The following CADPS2 variants were observed in gnomAD, a reference collection of about 807,000 sequenced individuals.
The protein encoded by CADPS2 is calcium-dependent secretion activator 2.
A neutral mutation model predicts 172.5 loss-of-function variants in CADPS2; 93 were observed. The observed-to-expected ratio is 0.54, with a 90% CI of 0.46 to 0.64. CADPS2 has a LOEUF of 0.64. Among genes scored for constraint, CADPS2 ranks in the 30% least tolerant of loss-of-function variants. The pLI, the probability that CADPS2 is intolerant of heterozygous loss-of-function variation, is 0.00. For missense variants in CADPS2, 1,420 were observed against 1,565.9 expected (o/e 0.91, Z 1.57); for synonymous variants, 546 against 555.2 (o/e 0.98, Z 0.23).
chr7:122,750,520 C>T (rs1268459768), intron 1 of CADPS2, among the ~76,000 whole-genome samples: 4 of 152,038 alleles, frequency 2.6e-5, no homozygotes, highest in African/African-American at 9.7e-5. Context: ...TCTCTTAGGA[C>T]TTAATAATGT....
intron 8 of CADPS2, among the ~76,000 whole-genome samples, chr7:122,538,225 C>G (rs931977998): frequency 2.6e-5 from 4 of 150,990 alleles, no homozygotes; most frequent in Non-Finnish European, 5.9e-5. Flanking sequence ...GTTAATATAC[C>G]TTTGATTCCT....
intron 6 of CADPS2, among the ~76,000 whole-genome samples, chr7:122,604,113 T>A (rs1309420595): frequency 6.6e-6 from 1 of 152,160 alleles, no homozygotes; most frequent in Non-Finnish European, 1.5e-5. Context: ...AAAATTCTAC[T>A]TCCTTATCTT....
intron 7 of CADPS2, among the ~76,000 whole-genome samples, chr7:122,580,539 T>C (rs2068673938): frequency 6.6e-6 from 1 of 151,992 alleles, no homozygotes; most frequent in East Asian, 1.9e-4. Flanking sequence ...ACTTCATTTA[T>C]AAGTCTGAAG....
chr7:122,648,288 G>A (rs962419779), intron 3 of CADPS2, among the ~76,000 whole-genome samples: 1 of 152,002 alleles, frequency 6.6e-6, no homozygotes, highest in African/African-American at 2.4e-5. Flanking sequence ...CTCCCAAAGG[G>A]TTCTGAAGAT....
At position 122,498,303 on chromosome 7, in the gene CADPS2, G is replaced by T. The variant is rs73433710; in HGVS notation, c.1543-6883C>A. Among the ~76,000 whole-genome samples, 1,126 of 152,050 alleles carry T rather than the reference G, an allele frequency of 7.4e-3. 11 individuals carry two copies. Among genetic ancestry groups the T allele is most frequent in the Middle Eastern group, 0.027 (8 of 294 alleles). ...ATGTTCTCTTAATCTTTGTCATTTT[G>T]CACTTTCATCATGAAATTTCTAGGA... On this transcript the variant is annotated intron_variant, in intron 9 of 29. Transcript: ENST00000449022.
At chr7:122,740,258 CCACA>C (rs980830995) in intron 1 of CADPS2, among the ~76,000 whole-genome samples, 3 of 152,092 alleles carry the variant, frequency 2.0e-5, no homozygotes, top group Non-Finnish European at 2.9e-5. Context: ...AAATTTATGT[CCACA>C]CAAATACCTG....
intron 1 of CADPS2, among the ~76,000 whole-genome samples, chr7:122,739,524 C>T (rs2092361854): frequency 1.3e-5 from 2 of 152,096 alleles, no homozygotes; most frequent in African/African-American, 4.8e-5. Flanking sequence ...TTGGGCAAAT[C>T]ATCTTCTTGG....
At chr7:122,496,888 T>C (rs946505980) in intron 9 of CADPS2, among the ~76,000 whole-genome samples, 1 of 152,198 alleles carries the variant, frequency 6.6e-6, no homozygotes, top group African/African-American at 2.4e-5. Context: ...TCTTTTCTGA[T>C]GTAAAAGTAT....
intron 11 of CADPS2, among the ~76,000 whole-genome samples, chr7:122,489,468 GT>G (rs1396658701): frequency 6.6e-6 from 1 of 152,072 alleles, no homozygotes; most frequent in East Asian, 1.9e-4. Context: ...TCAAAGCTAG[GT>G]TTGAAGATGT....
chr7:122,836,766 A>C (rs1584790043), intron 1 of CADPS2, among the ~76,000 whole-genome samples: 1 of 152,172 alleles, frequency 6.6e-6, no homozygotes, highest in Non-Finnish European at 1.5e-5. Context: ...AGGAGCACCC[A>C]GATTCATAAA....
intron 17 of CADPS2, among the ~76,000 whole-genome samples, chr7:122,433,854 T>A (rs2050295269): frequency 6.6e-6 from 1 of 152,208 alleles, no homozygotes; most frequent in African/African-American, 2.4e-5. Flanking sequence ...ATGGGACAAG[T>A]CCCTTTTGTT....
intron 14 of CADPS2, among the ~76,000 whole-genome samples, chr7:122,454,277 C>A (rs1489968158): frequency 6.6e-6 from 1 of 152,142 alleles, no homozygotes; most frequent in Non-Finnish European, 1.5e-5. Flanking sequence ...AAGCTCACAA[C>A]AATCCTGTCT....
intron 1 of CADPS2, among the ~76,000 whole-genome samples, chr7:122,779,180 G>A (rs2093970947): frequency 6.6e-6 from 1 of 152,042 alleles, no homozygotes; most frequent in Non-Finnish European, 1.5e-5. Flanking sequence ...AAATTATCCA[G>A]TCTTGGGTAT....
At chr7:122,484,976 A>C (rs2057662120) in intron 11 of CADPS2, among the ~76,000 whole-genome samples, 1 of 152,172 alleles carries the variant, frequency 6.6e-6, no homozygotes, top group Non-Finnish European at 1.5e-5. Context: ...TAGTAGATCT[A>C]TCACGGTCAT....
chr7:122,795,652 A>C (rs1188064609), intron 1 of CADPS2, among the ~76,000 whole-genome samples: 1 of 152,216 alleles, frequency 6.6e-6, no homozygotes, highest in Non-Finnish European at 1.5e-5. Context: ...ACTTTCGATA[A>C]AATTCAACAC....
intron 1 of CADPS2, among the ~76,000 whole-genome samples, chr7:122,841,955 G>C (rs1810651142): frequency 6.6e-6 from 1 of 152,196 alleles, no homozygotes; most frequent in African/African-American, 2.4e-5. Flanking sequence ...TTTCTTTACA[G>C]AAGGATGATT....
chr7:122,392,166 C>T (rs1011717167), intron 22 of CADPS2, among the ~76,000 whole-genome samples: 26 of 152,088 alleles, frequency 1.7e-4, no homozygotes, highest in African/African-American at 5.3e-4. Context: ...GGTAACTGCC[C>T]GAGTTTTCCC....
intron 2 of CADPS2, among the ~76,000 whole-genome samples, chr7:122,688,768 C>T (rs550381110): frequency 5.3e-4 from 80 of 151,864 alleles, no homozygotes; most frequent in African/African-American, 1.9e-3. Context: ...GTTGTGGTAA[C>T]GGGGAGTTAT....
In CADPS2 at chr7:122,886,200, C is replaced by A; in HGVS notation, c.138G>T (p.Gly46=). The change falls in exon 1 of 30, where the codon GGG becomes GGT. Residue 46 remains glycine, a synonymous_variant. Coordinates refer to ENST00000449022, the MANE Select transcript of CADPS2 (RefSeq NM_017954.11). ...TGGCCGCGCCGCCGCCGCCCGCGCG[C>A]CCCGGCGCGTCCCGCCGCCCTTCCC... The part of the protein sequence containing the change: ...PTREGRRDAP[G]RAGGGGAARS... 6.8e-7 allele frequency: 1 copy of A among 1,471,760 alleles called. No individual in the cohort carries two copies. Among genetic ancestry groups the A allele is most frequent in the Non-Finnish European group, 8.9e-7 (1 of 1,121,104 alleles). The allele number at this position is 1,471,760 out of a possible 1,614,324, so 91.2% of individuals were successfully genotyped here.
Sources: gnomAD v4.1 joint callset for allele counts (sites outside exome capture counted in the v4.1 genomes callset) on GRCh38, gnomAD v4.1.1 for gene constraint, MANE v1.5 for transcripts, NCBI Gene and HGNC (gene_info 2026-07-23, HGNC 2026-07-21) for gene names.